FAT4: variants seen among roughly 807,000 people sequenced by gnomAD.
The protein encoded by FAT4 is FAT atypical cadherin 4.
FAT4 carries 84 observed loss-of-function variants against 303.9 expected under a neutral mutation model. The ratio of observed to expected loss-of-function variants is 0.28; its 90% CI spans 0.23 to 0.33. FAT4 has a LOEUF of 0.33. FAT4 is among the 10% of genes least tolerant of loss of function. FAT4 has a pLI of 1.00. For missense variants in FAT4, 6,005 were observed against 6,146.8 expected (o/e 0.98, Z 0.77); for synonymous variants, 2,307 against 2,298.8 (o/e 1.00, Z -0.10).
chr4:125,317,029 C>T lies in FAT4; in HGVS notation c.618C>T (p.Gly206=). The T allele has an allele frequency of 6.2e-7, 1 of 1,614,026 alleles. No individual in the cohort carries two copies. Among genetic ancestry groups the T allele is most frequent in the East Asian group, 2.2e-5 (1 of 44,856 alleles). The change falls in exon 2 of 18, where the codon GGC becomes GGT. Residue 206 remains glycine, a synonymous_variant. Coordinates refer to ENST00000394329, the MANE Select transcript of FAT4 (RefSeq NM_001291303.3). This position sits in a 1 kb window ranked among gnomAD's most constrained non-coding sequence, Gnocchi z 7.0. ...EGAFLHLVSK[G]GLDREVTPQY... is the part of the protein sequence containing the mutation. The stretch of plus-strand genomic sequence containing the variant: ...CGTTCCTGCATCTGGTGTCCAAGGG[C>T]GGACTGGACCGTGAGGTCACTCCGC...
intron 2 of FAT4, among the ~76,000 whole-genome samples, chr4:125,366,203 T>G (rs1239613467): frequency 6.6e-6 from 1 of 152,190 alleles, no homozygotes; most frequent in Admixed American, 6.5e-5. Context: ...CAGGTATTAA[T>G]TAAGGCTAGT....
At chr4:125,364,663 T>C (rs2710589) in intron 2 of FAT4, among the ~76,000 whole-genome samples, 1,723 of 151,614 alleles carry the variant, frequency 0.011, 28 homozygotes, top group African/African-American at 0.04. Flanking sequence ...TATGCATAAA[T>C]GCCATGAGCT....
intron 7 of FAT4, among the ~76,000 whole-genome samples, chr4:125,422,005 C>T (rs781198308): frequency 4.6e-5 from 7 of 151,886 alleles, no homozygotes; most frequent in Admixed American, 2.6e-4. Context: ...TTCTTTTTTA[C>T]TTTATTCATT....
chr4:125,448,242 T>G (rs1725896352), intron 9 of FAT4, among the ~76,000 whole-genome samples: 1 of 152,090 alleles, frequency 6.6e-6, no homozygotes, highest in Non-Finnish European at 1.5e-5. Context: ...ACTGTATAAA[T>G]TTTAGTTAGA....
intron 15 of FAT4, among the ~76,000 whole-genome samples, chr4:125,481,192 T>A (rs1506363): frequency 0.13 from 20,444 of 152,168 alleles, 1,730 homozygotes; most frequent in Admixed American, 0.19. Flanking sequence ...TACAAACAAA[T>A]TTTTCAAGTA....
intron 2 of FAT4, among the ~76,000 whole-genome samples, chr4:125,334,184 G>A (rs766848154): frequency 1.3e-5 from 2 of 152,030 alleles, no homozygotes; most frequent in Non-Finnish European, 1.5e-5. Flanking sequence ...GCTTCCTCAT[G>A]ATCTTCACAT....
chr4:125,480,453 T>C (rs1343892174), intron 15 of FAT4, among the ~76,000 whole-genome samples: 1 of 152,180 alleles, frequency 6.6e-6, no homozygotes, highest in African/African-American at 2.4e-5. Context: ...TAGAAAATGG[T>C]GCTCTCTAAT....
intron 2 of FAT4, among the ~76,000 whole-genome samples, chr4:125,351,624 A>T (rs543330628): frequency 6.6e-6 from 1 of 151,748 alleles, no homozygotes; most frequent in Non-Finnish European, 1.5e-5. Context: ...TAGCTGTTTC[A>T]TGATAGCTTA....
At chr4:125,481,884 C>T in intron 16 of FAT4, 146 bp downstream of exon 16, 1 of 682,622 alleles carries the variant, frequency 1.5e-6, no homozygotes, top group Non-Finnish European at 2.5e-6. Context: ...TGTCATCTAT[C>T]TTAACTATTC....
At chr4:125,407,477 G>GT (rs1734663167) in intron 4 of FAT4, among the ~76,000 whole-genome samples, 2 of 50,644 alleles carry the variant, frequency 3.9e-5, no homozygotes, top group Non-Finnish European at 9.9e-5. Flanking sequence ...AAAAAGAACA[G>GT]CAAAAAAAAA....
intron 17 of FAT4, among the ~76,000 whole-genome samples, 192 bp downstream of exon 17, chr4:125,487,798 A>G (rs1727463888): frequency 1.3e-5 from 2 of 152,212 alleles, no homozygotes; most frequent in South Asian, 2.1e-4. Context: ...TAAGAATGTC[A>G]TAACTATCTT....
In FAT4 at chr4:125,321,725, C is replaced by T. The variant is rs544914527; in HGVS notation, c.5175+139C>T. ...ACAGGAACACCTAAAAATGTTCTGT[C>T]AAAGGCTAACAGAGAGTTACATAAA... On this transcript the variant is annotated intron_variant, in intron 2 of 17. Coordinates refer to ENST00000394329, the MANE Select transcript of FAT4 (RefSeq NM_001291303.3). 7.1e-4 allele frequency: 601 copies of T among 849,256 alleles called. 1 individual carries two copies. Among genetic ancestry groups the T allele is most frequent in the Non-Finnish European group, 9.5e-4 (551 of 580,318 alleles). 52.6% of individuals were successfully genotyped at this position (849,256 alleles called of 1,614,324 possible). A position where few individuals can be genotyped will look rare whatever the true frequency, so the allele number is the denominator to read the frequency against.
At chr4:125,349,418 T>G (rs1732133481) in intron 2 of FAT4, among the ~76,000 whole-genome samples, 1 of 151,738 alleles carries the variant, frequency 6.6e-6, no homozygotes, top group African/African-American at 2.4e-5. Context: ...TATCATACCC[T>G]TCCACAAATG....
intron 2 of FAT4, among the ~76,000 whole-genome samples, chr4:125,390,772 A>G (rs995475167): frequency 1.3e-5 from 2 of 152,178 alleles, no homozygotes; most frequent in African/African-American, 4.8e-5. Context: ...GAGATGGGCA[A>G]TGTGTAGGAC....
In FAT4 at chr4:125,317,750, C is replaced by G. The variant is rs531772242; in HGVS notation, c.1339C>G (p.Pro447Ala). ...TTCCGTCTCTGATAACTACGGGGCG[C>G]CCCCTGGCGCAGCAGTCCAGGCGCG... The part of the protein sequence containing the change: ...TVSVSDNYGA[P>A]PGAAVQARSS... Residue 447 changes from proline to alanine, a missense_variant, in exon 2 of 18, where the codon CCC becomes GCC. Transcript: ENST00000394329. This position sits in a 1 kb window ranked among gnomAD's most constrained non-coding sequence, Gnocchi z 7.0. 11 of 1,614,128 alleles carry G rather than the reference C, an allele frequency of 6.8e-6. No homozygotes were observed. In the South Asian group the frequency reaches 1.2e-4, roughly 18 times the overall value.
chr4:125,478,275 AG>A (rs1727103366), intron 14 of FAT4, among the ~76,000 whole-genome samples: 1 of 152,194 alleles, frequency 6.6e-6, no homozygotes, highest in African/African-American at 2.4e-5. Context: ...AAGTCACACT[AG>A]TTCGTTATTA....
intron 17 of FAT4, among the ~76,000 whole-genome samples, chr4:125,489,155 A>G (rs6851010): frequency 0.75 from 114,849 of 152,142 alleles, 43,489 homozygotes; most frequent in East Asian, 0.85. Context: ...GAGAAAACAA[A>G]CCAATGGAAA....
chr4:125,477,235 T>C lies in FAT4; in HGVS notation c.12380T>C (p.Val4127Ala). The change falls in exon 14 of 18, where the codon GTG (valine) becomes GCG (alanine). Residue 4127 changes from valine to alanine, a missense_variant. Physicochemically the swap from Val to Ala is moderately conservative, Grantham distance 64 (BLOSUM62 0). Coordinates refer to ENST00000394329, the MANE Select transcript of FAT4 (RefSeq NM_001291303.3). ...CCAATCCTTCAGAGAAGAGGACACGTGGAAAGCCATGATTTTGTTGGGTGT... is the reference window on the plus strand; with the variant it reads ...CCAATCCTTCAGAGAAGAGGACACGCGGAAAGCCATGATTTTGTTGGGTGT... ...LEPILQRRGH[V>A]ESHDFVGCIM... 1 of 1,553,492 alleles carries C rather than the reference T, an allele frequency of 6.4e-7. No homozygotes were observed. The highest frequency in any genetic ancestry group is 8.7e-7 in the Non-Finnish European group (1 of 1,146,380).
At chr4:125,489,861 TTTTTTTTG>T in intron 17 of FAT4, 32 bp from the exon 18 acceptor site, 2 of 1,052,836 alleles carry the variant, frequency 1.9e-6, no homozygotes, top group African/African-American at 1.6e-5. Flanking sequence ...TTTTTTTTTT[TTTTTTTTG>T]TAAAAAGCCT....
Sources: allele counts gnomAD v4.1 joint callset (sites outside exome capture counted in the v4.1 genomes callset), GRCh38; gene constraint gnomAD v4.1.1; non-coding constraint Gnocchi (gnomAD v3.1); transcripts MANE v1.5; gene names NCBI Gene and HGNC (gene_info 2026-07-23, HGNC 2026-07-21).